FFAR1: variants seen among roughly 807,000 people sequenced by gnomAD.
FFAR1 encodes the protein G-protein coupled receptor 40.
For synonymous variants in FFAR1, 216 were observed against 201.5 expected (o/e 1.07, Z -0.61); for missense variants, 424 against 396.2 (o/e 1.07, Z -0.60).
chr19:35,351,974 C>A, exon 1 of FFAR1: 2 of 1,614,164 alleles, frequency 1.2e-6, no homozygotes, highest in Non-Finnish European at 1.7e-6. Flanking sequence ...TGGGTCTGGT[C>A]TTTGGGTTGG....
At chr19:35,350,179 C>T (rs2066938105), upstream of FFAR1, among the ~76,000 whole-genome samples, 1 of 152,162 alleles carries the variant, frequency 6.6e-6, no homozygotes, top group African/African-American at 2.4e-5. Flanking sequence ...AGAGGCTGCC[C>T]CCGCCCCTTG....
chr19:35,348,017 T>C (rs988464538), upstream of FFAR1, among the ~76,000 whole-genome samples: 2 of 152,256 alleles, frequency 1.3e-5, no homozygotes, highest in Non-Finnish European at 2.9e-5. Flanking sequence ...TTGATCTTTC[T>C]CCACCCATTC....
At chr19:35,351,182 C>G (rs2066942671), upstream of FFAR1, among the ~76,000 whole-genome samples, 1 of 152,174 alleles carries the variant, frequency 6.6e-6, no homozygotes, top group African/African-American at 2.4e-5. Flanking sequence ...GTTCTGAATT[C>G]TCTCCACCCC....
Position 35,352,217 on chromosome 19 carries a change from C to T in FFAR1, c.666C>T (p.Ala222=), listed in dbSNP as rs201401516. 1.2e-4 allele frequency: 195 copies of T among 1,583,588 alleles called. No individual in the cohort carries two copies. The African/African-American group carries it at 2.5e-3, about 20-fold the overall frequency. ...TGACGCACAGGCGGAAGCTGCGGGC[C>T]GCCTGGGTGGCCGGCGGGGCCCTCC... The change falls in exon 1 of 1, where the codon GCC becomes GCT. Residue 222 remains alanine (A), a synonymous_variant. Transcript: ENST00000246553.
upstream of FFAR1, among the ~76,000 whole-genome samples, chr19:35,351,103 A>C (rs947776316): frequency 2.6e-5 from 4 of 152,134 alleles, no homozygotes; most frequent in Admixed American, 6.5e-5. Context: ...CCAGGGAACC[A>C]GGGAGGGCAG....
At chr19:35,352,546 A>G (rs1410821164) in exon 1 of FFAR1, 1 of 1,408,062 alleles carries the variant, frequency 7.1e-7, no homozygotes, top group Non-Finnish European at 9.5e-7. Flanking sequence ...ACTGCAGGGC[A>G]GCCTGGCCCG....
chr19:35,351,683 C>A lies in FFAR1; in HGVS notation c.132C>A (p.Tyr44Ter). ...TCCGTCTCACCCCTAGCCTGGTCTA[C>A]GCCCTGAACCTGGGCTGCTCCGACC... Residue 44 changes from tyrosine to a stop codon, truncating the protein, a stop_gained, in exon 1 of 1, where the codon TAC (tyrosine) becomes TAA (stop). Coordinates refer to ENST00000246553, the Ensembl canonical transcript of FFAR1. LOFTEE classifies it low-confidence loss of function (END_TRUNC). 1.3e-6 allele frequency: 2 copies of A among 1,561,040 alleles called. No homozygotes were observed. The highest frequency in any genetic ancestry group is 1.7e-6 in the Non-Finnish European group (2 of 1,155,918).
At chr19:35,349,168 A>C (rs1357066368), upstream of FFAR1, among the ~76,000 whole-genome samples, 1 of 152,202 alleles carries the variant, frequency 6.6e-6, no homozygotes, top group Non-Finnish European at 1.5e-5. Context: ...TAGACAAAGC[A>C]GACCAAAGCC....
exon 1 of FFAR1, chr19:35,352,594 C>G (rs2066950680): frequency 1.1e-6 from 1 of 886,242 alleles, no homozygotes; most frequent in African/African-American, 1.7e-5. Context: ...AGAGCGGCGC[C>G]TGCTGAGGGC....
upstream of FFAR1, among the ~76,000 whole-genome samples, chr19:35,349,935 A>C (rs1236989629): frequency 6.6e-6 from 1 of 152,190 alleles, no homozygotes; most frequent in Non-Finnish European, 1.5e-5. Flanking sequence ...AATCTTCCTT[A>C]GGTCCTCCTG....
exon 1 of FFAR1, chr19:35,353,737 C>G (rs1017294132): frequency 6.6e-6 from 1 of 152,230 alleles, no homozygotes. Flanking sequence ...GCAGTTCAAC[C>G]CTTTTTTATA....
At chr19:35,352,572 CCA>C in exon 1 of FFAR1, 1 of 1,151,640 alleles carries the variant, frequency 8.7e-7, no homozygotes, top group Non-Finnish European at 1.2e-6. Flanking sequence ...CTCCCTGGAG[CCA>C]CTCAAGCAGA....
At chr19:35,351,730 C>T (rs1000167582) in exon 1 of FFAR1, 1 of 1,564,392 alleles carries the variant, frequency 6.4e-7, no homozygotes, top group Non-Finnish European at 8.6e-7. Context: ...GTCTCTCTGC[C>T]CCTGAAGGCG....
At chr19:35,351,163 C>T (rs556925904), upstream of FFAR1, among the ~76,000 whole-genome samples, 2 of 152,290 alleles carry the variant, frequency 1.3e-5, no homozygotes, top group South Asian at 4.1e-4. Context: ...AGGCTGTGGG[C>T]CCAGCCCTGT....
At chr19:35,352,273 A>G (rs1483738539) in exon 1 of FFAR1, 2 of 1,552,052 alleles carry the variant, frequency 1.3e-6, no homozygotes, top group Non-Finnish European at 1.7e-6. Context: ...GGACCCTACA[A>G]CGCCTCCAAC....
At chr19:35,350,982 A>C (rs1599701007), upstream of FFAR1, among the ~76,000 whole-genome samples, 2 of 149,230 alleles carry the variant, frequency 1.3e-5, no homozygotes, top group South Asian at 2.1e-4. Flanking sequence ...TCCCTGGGGG[A>C]CCCCCTTTTC....
upstream of FFAR1, among the ~76,000 whole-genome samples, chr19:35,350,896 C>CCA (rs1036971247): frequency 2.0e-5 from 3 of 152,204 alleles, no homozygotes; most frequent in Non-Finnish European, 4.4e-5. Context: ...GACCCCCAGA[C>CCA]CCCCTGCCCA....
chr19:35,352,047 G>T, exon 1 of FFAR1: 1 of 1,613,900 alleles, frequency 6.2e-7, no homozygotes, highest in African/African-American at 1.3e-5. Flanking sequence ...ACCGGTCAAC[G>T]GCTCTCCGGT....
At chr19:35,348,111 G>A (rs940622280), upstream of FFAR1, among the ~76,000 whole-genome samples, 1 of 152,214 alleles carries the variant, frequency 6.6e-6, no homozygotes. Flanking sequence ...ATTGGCTCCT[G>A]GCACGTGGCA....
Sources: gnomAD v4.1 joint callset for allele counts (sites outside exome capture counted in the v4.1 genomes callset) on GRCh38, gnomAD v4.1.1 for gene constraint, MANE v1.5 for transcripts, NCBI Gene and HGNC (gene_info 2026-07-23, HGNC 2026-07-21) for gene names.